The following NEGR1 variants were observed in gnomAD, a reference collection of about 807,000 sequenced individuals.
NEGR1 encodes neuronal growth regulator 1.
A neutral mutation model predicts 40.9 loss-of-function variants in NEGR1; 10 were observed. The ratio of observed to expected loss-of-function variants is 0.24; its 90% CI spans 0.15 to 0.42. The LOEUF is 0.42. NEGR1 is among the 10% of genes least tolerant of loss of function. NEGR1 has a pLI of 1.00. For missense variants in NEGR1, 352 were observed against 438.9 expected (o/e 0.80, Z 1.77); for synonymous variants, 185 against 166.8 (o/e 1.11, Z -0.84).
chr1:71,414,155 T>C (rs1245650087), intron 6 of NEGR1, among the ~76,000 whole-genome samples: 1 of 152,098 alleles, frequency 6.6e-6, no homozygotes, highest in Admixed American at 6.6e-5. Flanking sequence ...CAAATAACGT[T>C]TCAAGCACAA....
intron 1 of NEGR1, among the ~76,000 whole-genome samples, chr1:72,116,839 C>A (rs947186414): frequency 1.3e-5 from 2 of 151,620 alleles, no homozygotes; most frequent in Non-Finnish European, 3.0e-5. Flanking sequence ...AAATGCCCTC[C>A]AATATTCACA....
chr1:71,508,082 A>G (rs1456900830), intron 6 of NEGR1, among the ~76,000 whole-genome samples: 1 of 152,140 alleles, frequency 6.6e-6, no homozygotes, highest in African/African-American at 2.4e-5. Context: ...ATACTGGCCC[A>G]TATCCTCCAC....
At chr1:72,060,933 C>T (rs1647162561) in intron 1 of NEGR1, among the ~76,000 whole-genome samples, 1 of 151,452 alleles carries the variant, frequency 6.6e-6, no homozygotes, top group Admixed American at 6.6e-5. Context: ...GTTACCATAA[C>T]GTTTTCCATA....
At chr1:71,575,818 A>AC (rs1648949341) in intron 6 of NEGR1, among the ~76,000 whole-genome samples, 1 of 146,568 alleles carries the variant, frequency 6.8e-6, no homozygotes, top group Non-Finnish European at 1.5e-5. Flanking sequence ...ACAAAACAAA[A>AC]ACAAAAAACA....
At chr1:71,505,361 A>C (rs1647025183) in intron 6 of NEGR1, among the ~76,000 whole-genome samples, 1 of 151,594 alleles carries the variant, frequency 6.6e-6, no homozygotes, top group Non-Finnish European at 1.5e-5. Context: ...GGCTCACTGC[A>C]AGCTCCACCT....
chr1:72,121,743 T>A (rs976105612), intron 1 of NEGR1, among the ~76,000 whole-genome samples: 2 of 152,078 alleles, frequency 1.3e-5, no homozygotes, highest in Non-Finnish European at 2.9e-5. Flanking sequence ...ATCACCTCTG[T>A]ACACACCAAA....
In NEGR1 at chr1:71,403,960, T is replaced by A; in HGVS notation, c.*3486A>T. The A allele has an allele frequency of 2.8e-6, 1 of 363,476 alleles. No homozygotes were observed. Among genetic ancestry groups the A allele is most frequent in the Admixed American group, 4.7e-5 (1 of 21,368 alleles). The allele number at this position is 363,476 out of a possible 1,614,324, so 22.5% of individuals were successfully genotyped here. ...TCAATAAATAGTTAAAAACCTGACC[T>A]CTTTTTAAATCATTTCTGGATTTCA... On this transcript the variant is annotated 3_prime_UTR_variant, in exon 7 of 7. Coordinates refer to ENST00000357731, the MANE Select transcript of NEGR1 (RefSeq NM_173808.3).
intron 1 of NEGR1, among the ~76,000 whole-genome samples, chr1:72,274,108 C>T (rs1190559130): frequency 6.6e-6 from 1 of 151,612 alleles, no homozygotes; most frequent in Non-Finnish European, 1.5e-5. Flanking sequence ...TGCATTGCAG[C>T]TTGGTCCACT....
Position 72,110,452 on chromosome 1 carries a change from T to G in NEGR1, c.176+171867A>C, listed in dbSNP as rs1442776236. On this transcript the variant is annotated intron_variant, in intron 1 of 6. Transcript: ENST00000357731. ...TAGAAAAGTAAGAAAGAGTCTTTCT[T>G]AGGTTTGCCTGTTTATTTTATGGTA... Among the ~76,000 whole-genome samples, 20 of 151,710 alleles carry G rather than the reference T, an allele frequency of 1.3e-4. 1 individual carries two copies. The South Asian group carries it at 3.9e-3, about 30-fold the overall frequency.
intron 1 of NEGR1, among the ~76,000 whole-genome samples, chr1:72,046,211 A>G (rs2100466115): frequency 6.6e-6 from 1 of 151,856 alleles, no homozygotes; most frequent in African/African-American, 2.4e-5. Flanking sequence ...AAAAAAAGGT[A>G]AAGTTTGAGA....
At chr1:72,112,303 A>T (rs1025563423) in intron 1 of NEGR1, among the ~76,000 whole-genome samples, 7 of 150,970 alleles carry the variant, frequency 4.6e-5, no homozygotes, top group African/African-American at 1.5e-4. Context: ...ATTTTTCTCT[A>T]CATAATTATC....
In NEGR1 at chr1:71,928,076, A is replaced by ATATATG. The variant is rs1491257600; in HGVS notation, c.409+7002_409+7003insCATATA. Among the ~76,000 whole-genome samples, 6 of 23,664 alleles carry ATATATG rather than the reference A, an allele frequency of 2.5e-4. 1 individual carries two copies. Among genetic ancestry groups the ATATATG allele is most frequent in the African/African-American group, 1.0e-3 (6 of 5,954 alleles). 15.5% of individuals were successfully genotyped at this position (23,664 alleles called of 152,430 possible). On this transcript the variant is annotated intron_variant, in intron 2 of 6. Transcript: ENST00000357731. ...TATATATATACACACACACATATGT[A>ATATATG]CATATATGTATATATACACACATAT...
intron 1 of NEGR1, among the ~76,000 whole-genome samples, chr1:72,156,284 TA>T (rs938277113): frequency 6.6e-6 from 1 of 152,136 alleles, no homozygotes; most frequent in Non-Finnish European, 1.5e-5. Context: ...TACTGAAATA[TA>T]AAATCACTCT....
chr1:72,247,354 C>T (rs1194283), intron 1 of NEGR1, among the ~76,000 whole-genome samples: 67,355 of 152,028 alleles, frequency 0.44, 15,322 homozygotes, highest in Non-Finnish European at 0.48. Context: ...TGTTTAAATA[C>T]AAAATCCAAA....
At chr1:72,151,975 T>C (rs750823029) in intron 1 of NEGR1, among the ~76,000 whole-genome samples, 4 of 151,812 alleles carry the variant, frequency 2.6e-5, no homozygotes, top group Non-Finnish European at 4.4e-5. Context: ...ATGGATGCTC[T>C]ATTAAAATAA....
chr1:71,946,187 C>T (rs1192551480), intron 1 of NEGR1, among the ~76,000 whole-genome samples: 1 of 152,066 alleles, frequency 6.6e-6, no homozygotes, highest in Non-Finnish European at 1.5e-5. Context: ...ACATGTCCTA[C>T]ATTCCCGAAT....
intron 4 of NEGR1, among the ~76,000 whole-genome samples, chr1:71,613,474 C>T (rs1414435049): frequency 6.6e-6 from 1 of 151,812 alleles, no homozygotes; most frequent in Non-Finnish European, 1.5e-5. Context: ...TGGTGAAACC[C>T]CGTCTCTACT....
At chr1:71,901,571 C>A (rs899467463) in intron 2 of NEGR1, among the ~76,000 whole-genome samples, 1 of 151,774 alleles carries the variant, frequency 6.6e-6, no homozygotes, top group Admixed American at 6.6e-5. Flanking sequence ...TTAAAATGGG[C>A]CCCTGGGGTT....
At chr1:71,912,760 T>C (rs1485373517) in intron 2 of NEGR1, among the ~76,000 whole-genome samples, 2 of 152,132 alleles carry the variant, frequency 1.3e-5, no homozygotes, top group Non-Finnish European at 2.9e-5. Context: ...TGTTAATAAA[T>C]GGACTGTGAG....
Sources: gnomAD v4.1 joint callset for allele counts (sites outside exome capture counted in the v4.1 genomes callset) on GRCh38, gnomAD v4.1.1 for gene constraint, MANE v1.5 for transcripts, NCBI Gene and HGNC (gene_info 2026-07-23, HGNC 2026-07-21) for gene names.